Variants in ARPC1A observed in about 807,000 individuals in gnomAD.
ARPC1A encodes the protein actin-related protein 2/3 complex subunit 1A.
ARPC1A carries 8 observed loss-of-function variants against 46.9 expected under a neutral mutation model. That is an observed-to-expected ratio of 0.17 (90% CI 0.10 to 0.31). ARPC1A has a LOEUF of 0.31. ARPC1A is among the 10% of genes least tolerant of loss of function. The pLI is 1.00. For synonymous variants in ARPC1A, 152 were observed against 169.0 expected, an observed-to-expected ratio of 0.90 and a Z score of 0.78; for missense variants, 286 against 483.6, an observed-to-expected ratio of 0.59 and a Z score of 3.83.
At chr7:99,357,518 C>G in intron 6 of ARPC1A, among the ~76,000 whole-genome samples, 1 of 150,754 alleles carries the variant, frequency 6.6e-6, no homozygotes, top group Non-Finnish European at 1.5e-5. Flanking sequence ...TTCGTAGAGA[C>G]TGGGTCTCAC....
intron 6 of ARPC1A, among the ~76,000 whole-genome samples, chr7:99,354,904 G>A (rs1349683747): frequency 1.3e-5 from 2 of 151,464 alleles, no homozygotes. Flanking sequence ...CTTGAGGTCG[G>A]GAGTTTGAGA....
rs564622920 is a variant in ARPC1A, at chr7:99,355,167, A to T, written c.713+1046A>T. On this transcript the variant is annotated intron_variant, in intron 6 of 9. Transcript: ENST00000262942. The stretch of plus-strand genomic sequence containing the variant: ...CATAGTGGCATATGCCTGTAATCCC[A>T]GCTACTCGGGAGGCTGAGGCTAGAG... Among the ~76,000 whole-genome samples the T allele has an allele frequency of 4.9e-4, 75 of 151,748 alleles. 1 individual carries two copies. The highest frequency in any genetic ancestry group is 2.9e-4 in the Non-Finnish European group (20 of 67,986).
rs555524613 is a variant in ARPC1A at position 99,342,716 on chromosome 7, C to CTTT, written c.170-1555_170-1553dup. Among the ~76,000 whole-genome samples, 502 of 101,898 alleles carry CTTT rather than the reference C, an allele frequency of 4.9e-3. 2 individuals carry two copies. The highest frequency in any genetic ancestry group is 6.9e-3 in the African/African-American group (144 of 20,802). 66.8% of individuals were successfully genotyped at this position (101,898 alleles called of 152,430 possible). A position where few individuals can be genotyped will look rare whatever the true frequency, so the allele number is the denominator to read the frequency against. ...TGAATAAACTAAACTCTTCATACTACTTTTTTTTTTTTTTTTTTTTTTTTG... is the reference window on the plus strand; with the variant it reads ...TGAATAAACTAAACTCTTCATACTACTTTTTTTTTTTTTTTTTTTTTTTTTTTG... On this transcript the variant is annotated intron_variant, in intron 3 of 9. Coordinates refer to ENST00000262942, the MANE Select transcript of ARPC1A (RefSeq NM_006409.4).
At chr7:99,328,557 C>T (rs1479421052) in intron 1 of ARPC1A, among the ~76,000 whole-genome samples, 2 of 152,138 alleles carry the variant, frequency 1.3e-5, no homozygotes, top group African/African-American at 4.8e-5. Flanking sequence ...GGTTTCATAG[C>T]TAGTGTGTGT....
At chr7:99,354,554 A>T (rs1793600732) in intron 6 of ARPC1A, among the ~76,000 whole-genome samples, 1 of 151,752 alleles carries the variant, frequency 6.6e-6, no homozygotes, top group South Asian at 2.1e-4. Flanking sequence ...ACCTCAATGA[A>T]AACTGCAGGC....
At chr7:99,340,088 G>A in intron 3 of ARPC1A, 1 of 439,284 alleles carries the variant, frequency 2.3e-6, no homozygotes, top group East Asian at 7.2e-5. Context: ...TTTCTTCCTT[G>A]TGACTGTCCT....
At chr7:99,338,338 T>C (rs1793292102) in intron 3 of ARPC1A, 53 bp downstream of exon 3, 11 of 1,366,372 alleles carry the variant, frequency 8.1e-6, no homozygotes, top group Non-Finnish European at 1.0e-5. Context: ...CAGGCACTCT[T>C]CCTTTTAGAT....
At chr7:99,361,583 G>A (rs892880947) in intron 8 of ARPC1A, among the ~76,000 whole-genome samples, 2 of 151,696 alleles carry the variant, frequency 1.3e-5, no homozygotes, top group African/African-American at 4.8e-5. Context: ...TCTCTGTCTT[G>A]AATGGCTCCG....
chr7:99,355,808 C>T (rs1051657553), intron 6 of ARPC1A, among the ~76,000 whole-genome samples: 11 of 149,156 alleles, frequency 7.4e-5, no homozygotes, highest in African/African-American at 7.7e-5. Flanking sequence ...TGCCGTTCAC[C>T]GGCCTTAAAT....
At chr7:99,345,637 G>A (rs1386979393) in intron 4 of ARPC1A, among the ~76,000 whole-genome samples, 1 of 151,196 alleles carries the variant, frequency 6.6e-6, no homozygotes, top group Admixed American at 6.6e-5. Context: ...CAGCCTGGGC[G>A]GCAAAGTGAG....
intron 7 of ARPC1A, 50 bp from the exon 8 acceptor site, chr7:99,359,495 G>A (rs1247423621): frequency 2.2e-5 from 35 of 1,585,934 alleles, no homozygotes; most frequent in Non-Finnish European, 2.9e-5. Context: ...TGCCAAGGAG[G>A]TGGGCGGTGG....
chr7:99,355,098 A>C (rs1451232751), intron 6 of ARPC1A, among the ~76,000 whole-genome samples: 2 of 142,788 alleles, frequency 1.4e-5, no homozygotes, highest in Non-Finnish European at 3.0e-5. Flanking sequence ...TGGGCAACAA[A>C]TGCAGAACTC....
chr7:99,341,983 C>G (rs1003555439), intron 3 of ARPC1A, among the ~76,000 whole-genome samples: 1 of 152,130 alleles, frequency 6.6e-6, no homozygotes, highest in African/African-American at 2.4e-5. Context: ...TGGCAAACAT[C>G]AGGGATATCA....
At chr7:99,333,482 A>T in intron 2 of ARPC1A, 65 bp downstream of exon 2, 1 of 1,401,816 alleles carries the variant, frequency 7.1e-7, no homozygotes, top group Admixed American at 1.8e-5. Context: ...CTTTAGACAC[A>T]TTTAGGGCTC....
intron 9 of ARPC1A, among the ~76,000 whole-genome samples, chr7:99,364,367 G>C (rs1367740049): frequency 4.6e-5 from 7 of 151,476 alleles, no homozygotes; most frequent in Non-Finnish European, 1.0e-4. Context: ...CCGCCTCTGG[G>C]GTTCAAGCGA....
At chr7:99,344,693 G>A (rs1424955833) in intron 4 of ARPC1A, among the ~76,000 whole-genome samples, 178 bp downstream of exon 4, 4 of 151,984 alleles carry the variant, frequency 2.6e-5, no homozygotes, top group South Asian at 4.2e-4. Flanking sequence ...TAAATCGCAC[G>A]TTTTTTATAT....
intron 6 of ARPC1A, among the ~76,000 whole-genome samples, chr7:99,357,892 C>T (rs1458228528): frequency 6.6e-6 from 1 of 152,228 alleles, no homozygotes; most frequent in Non-Finnish European, 1.5e-5. Context: ...TGTGTGGTCA[C>T]AGCCCTCTCG....
At chr7:99,356,968 C>G (rs948018800) in intron 6 of ARPC1A, among the ~76,000 whole-genome samples, 1 of 152,116 alleles carries the variant, frequency 6.6e-6, no homozygotes, top group Non-Finnish European at 1.5e-5. Flanking sequence ...GAAGATTTCC[C>G]TACATAAACA....
intron 2 of ARPC1A, among the ~76,000 whole-genome samples, chr7:99,333,945 T>G (rs1793192154): frequency 6.6e-6 from 1 of 150,500 alleles, no homozygotes; most frequent in Non-Finnish European, 1.5e-5. Flanking sequence ...AAGACCAACC[T>G]GAGCAACATG....
Sources: allele counts gnomAD v4.1 joint callset (sites outside exome capture counted in the v4.1 genomes callset), GRCh38; gene constraint gnomAD v4.1.1; transcripts MANE v1.5; gene names NCBI Gene and HGNC (gene_info 2026-07-23, HGNC 2026-07-21).